Variants in TMEM232 observed in about 807,000 individuals in gnomAD.
TMEM232 encodes the protein transmembrane protein 232.
Under a neutral mutation model 78.8 loss-of-function variants are expected in TMEM232, and 80 were observed. That is an observed-to-expected ratio of 1.01 (90% CI 0.85 to 1.22). The LOEUF (loss-of-function observed/expected upper bound fraction) is 1.22, where lower values mean the gene tolerates loss of function less well. Among genes scored for constraint, TMEM232 ranks in the 50% most tolerant of loss-of-function variants. The pLI is 0.00. For missense variants in TMEM232, 881 were observed against 742.2 expected, an observed-to-expected ratio of 1.19 and a Z score of -2.17; for synonymous variants, 297 against 254.3, an observed-to-expected ratio of 1.17 and a Z score of -1.60.
In TMEM232 at chr5:110,620,002, A is replaced by G. The variant is rs140812567; in HGVS notation, c.769-1440T>C. On this transcript the variant is annotated intron_variant, in intron 7 of 13. Coordinates refer to ENST00000455884, the MANE Select transcript of TMEM232 (RefSeq NM_001039763.4). ...ATTTATAATAAATATTATTTTAATC[A>G]TAGATATTGCAGGACTACATAAACT... Among the ~76,000 whole-genome samples, 332 of 152,272 alleles carry G rather than the reference A, an allele frequency of 2.2e-3. 2 individuals are homozygous for G. Among genetic ancestry groups the G allele is most frequent in the African/African-American group, 7.6e-3 (315 of 41,570 alleles).
intron 1 of TMEM232, among the ~76,000 whole-genome samples, chr5:110,673,003 C>T (rs747975804): frequency 2.5e-4 from 38 of 152,176 alleles, no homozygotes; most frequent in Non-Finnish European, 5.1e-4. Context: ...GACATGCACA[C>T]GCATGTTTAT....
chr5:110,488,985 A>G (rs550097453), intron 12 of TMEM232, among the ~76,000 whole-genome samples: 1 of 151,924 alleles, frequency 6.6e-6, no homozygotes, highest in Non-Finnish European at 1.5e-5. Flanking sequence ...AGAAACCAAA[A>G]ACTAGAGAAA....
At chr5:110,641,070 A>G (rs1786628026) in intron 3 of TMEM232, 74 bp from the exon 4 acceptor site, 1 of 925,954 alleles carries the variant, frequency 1.1e-6, no homozygotes. Context: ...TTTAACTCTT[A>G]ATTGTGCTCC....
At chr5:110,451,465 G>C (rs1001394160) in intron 12 of TMEM232, among the ~76,000 whole-genome samples, 1 of 152,094 alleles carries the variant, frequency 6.6e-6, no homozygotes, top group Non-Finnish European at 1.5e-5. Context: ...GTCTTAGGTT[G>C]GTTTGCAAGA....
chr5:110,435,825 T>G (rs1158306569), intron 12 of TMEM232, among the ~76,000 whole-genome samples: 2 of 152,016 alleles, frequency 1.3e-5, no homozygotes, highest in African/African-American at 2.4e-5. Context: ...CTCTATTGTG[T>G]ATAAGAATGA....
intron 3 of TMEM232, among the ~76,000 whole-genome samples, chr5:110,391,685 T>G (rs1482957025): frequency 5.3e-5 from 8 of 152,192 alleles, no homozygotes; most frequent in African/African-American, 1.9e-4. Flanking sequence ...TCGTATTTTC[T>G]TAATAAAAAT....
chr5:110,659,720 G>T (rs962502208), intron 2 of TMEM232, among the ~76,000 whole-genome samples: 1 of 152,038 alleles, frequency 6.6e-6, no homozygotes, highest in African/African-American at 2.4e-5. Context: ...AACCAGAAAC[G>T]TTAAGTCTAC....
intron 12 of TMEM232, among the ~76,000 whole-genome samples, chr5:110,484,785 A>T (rs1019864580): frequency 6.6e-6 from 1 of 152,070 alleles, no homozygotes; most frequent in African/African-American, 2.4e-5. Flanking sequence ...ATAAAAATAT[A>T]TAAGTTATAA....
At chr5:110,557,972 T>G (rs533001810) in intron 11 of TMEM232, among the ~76,000 whole-genome samples, 28 of 152,286 alleles carry the variant, frequency 1.8e-4, no homozygotes, top group Admixed American at 1.8e-3. Context: ...GGCTTTTGCT[T>G]TTATATTTTG....
chr5:110,679,870 G>C (rs930587382), intron 1 of TMEM232, among the ~76,000 whole-genome samples: 1 of 151,880 alleles, frequency 6.6e-6, no homozygotes, highest in Non-Finnish European at 1.5e-5. Context: ...TTGATTTTTG[G>C]CTGTCTTTTT....
intron 11 of TMEM232, among the ~76,000 whole-genome samples, chr5:110,542,650 CA>C (rs775252867): frequency 6.6e-6 from 1 of 151,908 alleles, no homozygotes; most frequent in East Asian, 1.9e-4. Context: ...TTGTGTCTCT[CA>C]GGGGGGAAAT....
chr5:110,738,653 A>C, upstream of TMEM232: 1 of 211,666 alleles, frequency 4.7e-6, no homozygotes, highest in Non-Finnish European at 9.6e-6. Flanking sequence ...GCGAGGCACC[A>C]GGCCCGTGAG....
intron 3 of TMEM232, among the ~76,000 whole-genome samples, chr5:110,395,410 C>G (rs1184906228): frequency 3.1e-4 from 47 of 152,260 alleles, no homozygotes; most frequent in African/African-American, 9.9e-4. Flanking sequence ...CCACAGTTGA[C>G]CTTTAGCAAG....
chr5:110,568,224 C>G (rs1268295133), intron 11 of TMEM232, among the ~76,000 whole-genome samples: 3 of 151,880 alleles, frequency 2.0e-5, no homozygotes, highest in Non-Finnish European at 4.4e-5. Flanking sequence ...GAATTTAATT[C>G]TGTTTCTATT....
At chr5:110,728,987 C>G (rs1013143448), upstream of TMEM232, among the ~76,000 whole-genome samples, 2 of 151,764 alleles carry the variant, frequency 1.3e-5, no homozygotes, top group African/African-American at 4.8e-5. Context: ...TGGGTTCAAG[C>G]GATTCTCCTG....
At position 110,528,702 on chromosome 5, in the gene TMEM232, G is replaced by C. The variant is rs112074804; in HGVS notation, c.1589C>G (p.Pro530Arg). 3 of 1,534,834 alleles carry C rather than the reference G, an allele frequency of 2.0e-6. No individual in the cohort carries two copies. Among genetic ancestry groups the C allele is most frequent in the Non-Finnish European group, 2.6e-6 (3 of 1,146,288 alleles). ...ANTLSKLFFP[P>R]IEAHFLPLKK... Reference sequence around the variant, plus strand: ...CAAAGGAAGAAAATGGGCCTCAATGGGGGGAAAGAATAGTTTGGAAAGAGT... The same window carrying C: ...CAAAGGAAGAAAATGGGCCTCAATGCGGGGAAAGAATAGTTTGGAAAGAGT... The change falls in exon 12 of 14, where the codon CCC becomes CGC. Residue 530 changes from proline (P) to arginine (R), a missense_variant. Physicochemically the swap from Pro to Arg is moderately radical, Grantham distance 103. Transcript: ENST00000455884.
At chr5:110,398,210 C>A (rs1755465574) in intron 2 of TMEM232, among the ~76,000 whole-genome samples, 1 of 152,110 alleles carries the variant, frequency 6.6e-6, no homozygotes, top group Admixed American at 6.6e-5. Context: ...ATTTACAAAT[C>A]TGTGGAGAAC....
chr5:110,409,434 T>C (rs1179505571), intron 2 of TMEM232, among the ~76,000 whole-genome samples: 3 of 152,164 alleles, frequency 2.0e-5, no homozygotes, highest in Non-Finnish European at 4.4e-5. Flanking sequence ...CTGAGAGTAA[T>C]TGTAAAACAC....
Position 110,528,625 on chromosome 5 carries a change from C to T in TMEM232, c.1666G>A (p.Glu556Lys), listed in dbSNP as rs1770957580. The T allele has an allele frequency of 1.3e-6, 2 of 1,532,488 alleles. No homozygotes were observed. The highest frequency in any genetic ancestry group is 2.7e-5 in the African/African-American group (2 of 72,926). The allele number at this position is 1,532,488 out of a possible 1,614,324, so 94.9% of individuals were successfully genotyped here. Residue 556 changes from glutamate (E) to lysine (K), a missense_variant, in exon 12 of 14, where the codon GAG becomes AAG. By Grantham distance (56) the Glu-to-Lys change is moderately conservative (BLOSUM62 1). Coordinates refer to ENST00000455884, the MANE Select transcript of TMEM232 (RefSeq NM_001039763.4). ...DQTKYPNKKLESVKKQVLHFT... is the reference protein window; with the variant it reads ...DQTKYPNKKLKSVKKQVLHFT... ...TGTAGAACTTGCTTTTTCACAGACT[C>T]CAGCTTTTTATTTGGATATTTTGTT...
Sources: gnomAD v4.1 joint callset for allele counts (sites outside exome capture counted in the v4.1 genomes callset) on GRCh38, gnomAD v4.1.1 for gene constraint, MANE v1.5 for transcripts, NCBI Gene and HGNC (gene_info 2026-07-23, HGNC 2026-07-21) for gene names.